Variants in RORB observed in about 807,000 individuals in gnomAD.
RORB encodes the protein nuclear receptor ROR-beta.
RORB carries 6 observed loss-of-function variants against 59.1 expected under a neutral mutation model. The ratio of observed to expected loss-of-function variants is 0.10; its 90% CI spans 0.06 to 0.20. The LOEUF (loss-of-function observed/expected upper bound fraction) is 0.20, where lower values mean the gene tolerates loss of function less well. Ranked by LOEUF, RORB falls within the 10% of genes least tolerant of loss-of-function variation. The pLI is 1.00. For synonymous variants in RORB, 215 were observed against 204.5 expected, an observed-to-expected ratio of 1.05 and a Z score of -0.44; for missense variants, 320 against 560.5, an observed-to-expected ratio of 0.57 and a Z score of 4.33.
chr9:74,534,016 C>T (rs753853259), intron 1 of RORB, among the ~76,000 whole-genome samples: 34 of 152,082 alleles, frequency 2.2e-4, no homozygotes, highest in Non-Finnish European at 2.5e-4. Flanking sequence ...CGTTCTATGA[C>T]GAAATTATTT....
intron 8 of RORB, among the ~76,000 whole-genome samples, chr9:74,669,790 G>T (rs896703033): frequency 3.9e-5 from 6 of 152,050 alleles, no homozygotes; most frequent in African/African-American, 1.4e-4. Context: ...ATTTTTCAAT[G>T]AAACTGGAAG....
chr9:74,667,663 A>C, intron 7 of RORB, 128 bp from the exon 8 acceptor site: 1 of 578,384 alleles, frequency 1.7e-6, no homozygotes, highest in Non-Finnish European at 3.1e-6. Context: ...TTAGAAACTT[A>C]AAAAAATATC....
At chr9:74,650,912 G>T (rs566592597) in intron 4 of RORB, among the ~76,000 whole-genome samples, 44 of 152,158 alleles carry the variant, frequency 2.9e-4, no homozygotes, top group Non-Finnish European at 5.1e-4. Context: ...ACATCCAAAA[G>T]GGTGGTGAGG....
At chr9:74,653,177 TTAATA>T (rs1357211217) in intron 4 of RORB, among the ~76,000 whole-genome samples, 2 of 152,320 alleles carry the variant, frequency 1.3e-5, no homozygotes, top group African/African-American at 4.8e-5. Context: ...ACCAAGTGTT[TTAATA>T]TGTTTTAGTT....
At chr9:74,580,158 G>A (rs897382782) in intron 1 of RORB, among the ~76,000 whole-genome samples, 2 of 152,018 alleles carry the variant, frequency 1.3e-5, no homozygotes, top group African/African-American at 2.4e-5. Flanking sequence ...ACCATATCCC[G>A]TTTGAATAAG....
At chr9:74,508,179 G>T (rs1381012759) in intron 1 of RORB, among the ~76,000 whole-genome samples, 1 of 151,848 alleles carries the variant, frequency 6.6e-6, no homozygotes, top group African/African-American at 2.4e-5. Flanking sequence ...TTCAAAAAAA[G>T]TTAAGTACCA....
intron 1 of RORB, among the ~76,000 whole-genome samples, chr9:74,574,621 A>C (rs925443280): frequency 3.9e-5 from 6 of 152,150 alleles, no homozygotes; most frequent in Non-Finnish European, 8.8e-5. Flanking sequence ...GTAAAACAAC[A>C]AAACCTCAGA....
At chr9:74,663,144 G>A (rs1016006428) in intron 6 of RORB, among the ~76,000 whole-genome samples, 1 of 152,132 alleles carries the variant, frequency 6.6e-6, no homozygotes, top group Non-Finnish European at 1.5e-5. Context: ...GCATATGACT[G>A]ACTTTGCGGA....
chr9:74,527,294 A>T (rs1331822772), intron 1 of RORB, among the ~76,000 whole-genome samples: 1 of 151,978 alleles, frequency 6.6e-6, no homozygotes, highest in Non-Finnish European at 1.5e-5. Flanking sequence ...GACAGTTATG[A>T]ATCATTCATT....
At chr9:74,546,955 A>T (rs1487373792) in intron 1 of RORB, among the ~76,000 whole-genome samples, 1 of 152,092 alleles carries the variant, frequency 6.6e-6, no homozygotes, top group Non-Finnish European at 1.5e-5. Context: ...TTAGCCAGGC[A>T]TGGTGGCGCG....
At chr9:74,601,395 A>T (rs915531117) in intron 1 of RORB, among the ~76,000 whole-genome samples, 4 of 149,492 alleles carry the variant, frequency 2.7e-5, no homozygotes, top group South Asian at 2.1e-4. Context: ...TATATATATA[A>T]AATATTTTAG....
intron 9 of RORB, among the ~76,000 whole-genome samples, chr9:74,681,754 A>C (rs1824550916): frequency 6.6e-6 from 1 of 152,218 alleles, no homozygotes; most frequent in Non-Finnish European, 1.5e-5. Flanking sequence ...TCACCCTCTT[A>C]TACATTTCAT....
chr9:74,587,630 CAT>C (rs1305288161), intron 1 of RORB, among the ~76,000 whole-genome samples: 1 of 152,110 alleles, frequency 6.6e-6, no homozygotes, highest in Non-Finnish European at 1.5e-5. Context: ...GCCTTACCCA[CAT>C]GTTTGGGGTT....
At chr9:74,638,730 G>A (rs545931599) in intron 3 of RORB, among the ~76,000 whole-genome samples, 8 of 152,278 alleles carry the variant, frequency 5.3e-5, no homozygotes, top group Non-Finnish European at 1.2e-4. Flanking sequence ...GTTTATTTTT[G>A]CCATGTACTG....
chr9:74,631,830 A>T (rs2118421194), intron 2 of RORB, among the ~76,000 whole-genome samples: 1 of 152,296 alleles, frequency 6.6e-6, no homozygotes, highest in Non-Finnish European at 1.5e-5. Flanking sequence ...TCAACTCATC[A>T]AGAATAAACA....
Position 74,497,981 on chromosome 9 carries a change from G to C in RORB, c.5G>C (p.Arg2Pro), listed in dbSNP as rs2117998086. The C allele has an allele frequency of 6.2e-7, 1 of 1,611,360 alleles. No homozygotes were observed. The change falls in exon 1 of 10, where the codon CGA (arginine) becomes CCA (proline). Residue 2 changes from arginine to proline, a missense_variant and splice_region_variant. Around this residue, in one of 4 missense-constraint regions of RORB, gnomAD observed 37 missense variants for 116.4 expected, o/e 0.32. Transcript: ENST00000376896. ...GAGCGGGAGAGCGGCCACACCATGC[G>C]AGGTAAGCGAGTCTGCGGGCACCGA... M[R>P]AQIEVIPCKI... is the part of the protein sequence containing the mutation.
chr9:74,654,333 G>GGAGAGAGAGAGAGAGAGAGAGAGA (rs60137307), intron 4 of RORB, among the ~76,000 whole-genome samples: 2 of 138,616 alleles, frequency 1.4e-5, no homozygotes, highest in African/African-American at 5.3e-5. Context: ...CAGTCTCAGG[G>GGAGAGAGAGAGAGAGAGAGAGAGA]GAGAGAGAGA....
chr9:74,583,380 T>C (rs113466977), intron 1 of RORB, among the ~76,000 whole-genome samples: 1 of 152,090 alleles, frequency 6.6e-6, no homozygotes, highest in African/African-American at 2.4e-5. Flanking sequence ...GTCATGGTAA[T>C]TCTGCAAAAC....
At chr9:74,602,429 G>A (rs1320116433) in intron 1 of RORB, among the ~76,000 whole-genome samples, 1 of 152,214 alleles carries the variant, frequency 6.6e-6, no homozygotes, top group East Asian at 1.9e-4. Context: ...AATGAAAAGA[G>A]CAGAGGTGGA....
Sources: allele counts gnomAD v4.1 joint callset (sites outside exome capture counted in the v4.1 genomes callset), GRCh38; gene constraint gnomAD v4.1.1; regional missense constraint gnomAD v4.1.1; transcripts MANE v1.5; gene names NCBI Gene and HGNC (gene_info 2026-07-23, HGNC 2026-07-21).